The following NRXN1 variants were observed in gnomAD, a reference collection of about 807,000 sequenced individuals.
NRXN1 encodes neurexin-1.
NRXN1 carries 39 observed loss-of-function variants against 150.9 expected under a neutral mutation model. That is an observed-to-expected ratio of 0.26 (90% CI 0.20 to 0.34). NRXN1 has a LOEUF of 0.34. Ranked by LOEUF, NRXN1 falls within the 10% of genes least tolerant of loss-of-function variation. The probability of loss-of-function intolerance (pLI) is 1.00; values close to 1 mark genes in which losing one functional copy is unlikely to be tolerated. For synonymous variants in NRXN1, 924 were observed against 757.0 expected (o/e 1.22, Z -3.62); for missense variants, 1,815 against 1,949.9 (o/e 0.93, Z 1.30).
intron 15 of NRXN1, among the ~76,000 whole-genome samples, chr2:50,478,007 C>A (rs1483742318): frequency 6.6e-6 from 1 of 152,134 alleles, no homozygotes; most frequent in African/African-American, 2.4e-5. Flanking sequence ...TTTCGGGGAA[C>A]AATCAACCTC....
chr2:50,068,171 A>AT (rs537615460), intron 19 of NRXN1, among the ~76,000 whole-genome samples: 1,624 of 151,712 alleles, frequency 0.011, 32 homozygotes, highest in African/African-American at 0.037. Context: ...GGAATGCAAG[A>AT]TTTTTTTTTC....
chr2:50,168,314 A>G (rs1357313451), intron 18 of NRXN1, among the ~76,000 whole-genome samples: 1 of 152,190 alleles, frequency 6.6e-6, no homozygotes, highest in Non-Finnish European at 1.5e-5. Context: ...ATTTACCTAC[A>G]TTTTACACTA....
chr2:50,063,286 A>G (rs767586722), intron 19 of NRXN1, among the ~76,000 whole-genome samples: 1 of 152,192 alleles, frequency 6.6e-6, no homozygotes, highest in Non-Finnish European at 1.5e-5. Flanking sequence ...TGAAAAATAT[A>G]GCTATTCTAA....
chr2:50,361,628 G>T (rs192036038), intron 17 of NRXN1, among the ~76,000 whole-genome samples: 154 of 151,358 alleles, frequency 1.0e-3, no homozygotes, highest in African/African-American at 3.6e-3. Context: ...TTTAAAAAAA[G>T]CCCAGGACCA....
At chr2:50,150,164 C>T (rs2058613369) in intron 18 of NRXN1, among the ~76,000 whole-genome samples, 1 of 151,736 alleles carries the variant, frequency 6.6e-6, no homozygotes, top group African/African-American at 2.4e-5. Context: ...AAGCTTTGCT[C>T]AAACTACAAT....
chr2:50,147,322 A>T (rs1315720787), intron 18 of NRXN1, among the ~76,000 whole-genome samples: 5 of 151,790 alleles, frequency 3.3e-5, no homozygotes, highest in Non-Finnish European at 7.4e-5. Context: ...CATTATCTTT[A>T]TCTGTATAGC....
At chr2:50,291,245 A>T (rs76391388) in intron 17 of NRXN1, among the ~76,000 whole-genome samples, 2 of 148,978 alleles carry the variant, frequency 1.3e-5, no homozygotes, top group African/African-American at 2.6e-5. Flanking sequence ...AACCTGGTTT[A>T]TTTTTTTCCC....
intron 21 of NRXN1, among the ~76,000 whole-genome samples, chr2:50,031,757 A>C (rs1400875083): frequency 6.6e-6 from 1 of 152,094 alleles, no homozygotes; most frequent in Non-Finnish European, 1.5e-5. Flanking sequence ...AAAGACTCTC[A>C]ATGTCTGTAT....
intron 17 of NRXN1, among the ~76,000 whole-genome samples, chr2:50,361,665 G>A (rs2079202266): frequency 6.6e-6 from 1 of 152,128 alleles, no homozygotes; most frequent in South Asian, 2.1e-4. Context: ...AATTCTACCA[G>A]AGGTACAAAG....
At chr2:50,657,248 T>TAAGCCAGACAGTTCCC (rs1686622923) in intron 5 of NRXN1, among the ~76,000 whole-genome samples, 1 of 152,008 alleles carries the variant, frequency 6.6e-6, no homozygotes, top group Non-Finnish European at 1.5e-5. Flanking sequence ...TCCCTGGATT[T>TAAGCCAGACAGTTCCC]TGGCATTTCA....
chr2:50,215,367 C>T (rs1004561575), intron 18 of NRXN1, among the ~76,000 whole-genome samples: 1 of 152,016 alleles, frequency 6.6e-6, no homozygotes, highest in East Asian at 1.9e-4. Flanking sequence ...CAGTGCGATT[C>T]TTAAAGCTCA....
At position 50,282,151 on chromosome 2, in the gene NRXN1, A is replaced by G. The variant is rs576403990; in HGVS notation, c.3365-45181T>C. Among the ~76,000 whole-genome samples, 342 of 152,252 alleles carry G rather than the reference A, an allele frequency of 2.2e-3. 2 individuals carry two copies. Among genetic ancestry groups the G allele is most frequent in the Non-Finnish European group, 3.0e-3 (204 of 68,024 alleles). ...TTGGAGCACTACGTCAGAAGTAGGA[A>G]GCAGAAGATGTGGCTGGAAAGATAG... On this transcript the variant is annotated intron_variant, in intron 17 of 22. Transcript: ENST00000401669.
chr2:50,774,569 A>G (rs908789057), intron 5 of NRXN1, among the ~76,000 whole-genome samples: 3 of 152,196 alleles, frequency 2.0e-5, no homozygotes, highest in Non-Finnish European at 4.4e-5. Flanking sequence ...AATGTATGGT[A>G]TACTTTATAC....
chr2:50,868,913 G>C (rs1006006467), intron 5 of NRXN1, among the ~76,000 whole-genome samples: 1 of 151,784 alleles, frequency 6.6e-6, no homozygotes, highest in African/African-American at 2.4e-5. Flanking sequence ...AAATATAAAA[G>C]CTTATCATCT....
At chr2:51,029,858 G>A (rs1301799480) in intron 1 of NRXN1, among the ~76,000 whole-genome samples, 14 of 152,142 alleles carry the variant, frequency 9.2e-5, no homozygotes, top group Non-Finnish European at 7.4e-5. Flanking sequence ...CTCTAAAGGT[G>A]CATAAAGTAT....
chr2:49,926,390 C>T lies in NRXN1; in HGVS notation c.4217-4139G>A, dbSNP rs558526081. On this transcript the variant is annotated intron_variant, in intron 22 of 22. Coordinates refer to ENST00000401669, the MANE Select transcript of NRXN1 (RefSeq NM_001330078.2). Reference sequence around the variant, plus strand: ...AGTTTTCCACATGGTCTGCTTTGTCCCTGTAGATTTATCAAGAATCCTATG... The same window carrying T: ...AGTTTTCCACATGGTCTGCTTTGTCTCTGTAGATTTATCAAGAATCCTATG... The T allele has an allele frequency of 1.5e-4, 61 of 398,326 alleles. 1 individual carries two copies. The East Asian group carries it at 2.0e-3, about 13-fold the overall frequency. The allele number at this position is 398,326 out of a possible 1,614,324, so 24.7% of individuals were successfully genotyped here.
At chr2:50,220,347 G>C (rs1277499319) in intron 18 of NRXN1, among the ~76,000 whole-genome samples, 2 of 151,832 alleles carry the variant, frequency 1.3e-5, no homozygotes, top group East Asian at 3.9e-4. Context: ...GTTGGGAAAA[G>C]ACTATGCCGT....
At chr2:50,467,772 C>T (rs2089051915) in intron 16 of NRXN1, among the ~76,000 whole-genome samples, 1 of 151,274 alleles carries the variant, frequency 6.6e-6, no homozygotes, top group African/African-American at 2.4e-5. Context: ...AAGAGAGTAA[C>T]AGTTGTTTTT....
At chr2:50,528,471 A>T (rs1354349975) in intron 12 of NRXN1, among the ~76,000 whole-genome samples, 154 bp downstream of exon 12, 1 of 152,112 alleles carries the variant, frequency 6.6e-6, no homozygotes, top group Non-Finnish European at 1.5e-5. Context: ...TTTAAAAATG[A>T]ATTTTTACAA....
Sources: allele counts gnomAD v4.1 joint callset (sites outside exome capture counted in the v4.1 genomes callset), GRCh38; gene constraint gnomAD v4.1.1; transcripts MANE v1.5; gene names NCBI Gene and HGNC (gene_info 2026-07-23, HGNC 2026-07-21).